DLGAP1: variants seen among roughly 807,000 people sequenced by gnomAD.
DLGAP1 encodes DLG associated protein 1.
Under a neutral mutation model 90.8 loss-of-function variants are expected in DLGAP1, and 11 were observed. The observed-to-expected ratio is 0.12, with a 90% CI of 0.08 to 0.20. DLGAP1 has a LOEUF of 0.20. DLGAP1 is among the 10% of genes least tolerant of loss of function. DLGAP1 has a pLI of 1.00. For missense variants in DLGAP1, 1,050 were observed against 1,333.8 expected (o/e 0.79, Z 3.31); for synonymous variants, 558 against 540.7 (o/e 1.03, Z -0.44).
At chr18:4,129,089 T>C (rs2076274898) in intron 2 of DLGAP1, among the ~76,000 whole-genome samples, 1 of 152,102 alleles carries the variant, frequency 6.6e-6, no homozygotes, top group African/African-American at 2.4e-5. Context: ...CATCTATAAG[T>C]ACAATTGTAT....
At position 4,314,550 on chromosome 18, in the gene DLGAP1, T is replaced by C. The variant is rs191167471; in HGVS notation, c.-267+140456A>G. Among the ~76,000 whole-genome samples the C allele has an allele frequency of 2.8e-3, 431 of 152,356 alleles. 6 individuals carry two copies. In the Middle Eastern group the frequency reaches 0.031, roughly 11 times the overall value. On this transcript the variant is annotated intron_variant, in intron 1 of 12. Transcript: ENST00000315677. ...ATGACAATTATATAATGGAATATCA[T>C]ATAATTAATTCTATAAAGTGATTTA...
intron 3 of DLGAP1, among the ~76,000 whole-genome samples, chr18:3,963,891 GA>G (rs1048146364): frequency 6.6e-6 from 1 of 152,146 alleles, no homozygotes; most frequent in African/African-American, 2.4e-5. Flanking sequence ...AAGCCCTTAA[GA>G]ATAATGTAAA....
rs184253785 is a variant in DLGAP1, at chr18:4,359,341, G to A, written c.-267+95665C>T. On this transcript the variant is annotated intron_variant, in intron 1 of 12. Transcript: ENST00000315677. ...AGATCATAAGACCCTCATGTGAGAG[G>A]TGCCCTTCCTGGAGGAAAGGAACGT... Among the ~76,000 whole-genome samples the A allele has an allele frequency of 1.4e-4, 21 of 152,268 alleles. No homozygotes were observed. In the East Asian group the frequency reaches 3.5e-3, roughly 25 times the overall value.
chr18:3,777,461 C>T (rs574620080), intron 5 of DLGAP1, among the ~76,000 whole-genome samples: 6 of 152,162 alleles, frequency 3.9e-5, no homozygotes, highest in East Asian at 1.9e-4. Flanking sequence ...TGGAAGAATA[C>T]GCGGATGTGG....
chr18:3,951,133 C>T (rs2072977418), intron 3 of DLGAP1, among the ~76,000 whole-genome samples: 1 of 152,182 alleles, frequency 6.6e-6, no homozygotes, highest in Admixed American at 6.5e-5. Flanking sequence ...ATGTTTGCCC[C>T]ATGGTGTAAG....
At chr18:3,558,610 C>G (rs1035963235) in intron 9 of DLGAP1, among the ~76,000 whole-genome samples, 1 of 152,110 alleles carries the variant, frequency 6.6e-6, no homozygotes, top group African/African-American at 2.4e-5. Flanking sequence ...AGAATTGACC[C>G]CTTTATCATC....
chr18:3,842,266 T>A (rs888059765), intron 4 of DLGAP1, among the ~76,000 whole-genome samples: 2 of 151,008 alleles, frequency 1.3e-5, no homozygotes. Context: ...ACAGAGGGAG[T>A]GTTAGGAAAT....
At chr18:4,028,977 T>C (rs373511970) in intron 2 of DLGAP1, among the ~76,000 whole-genome samples, 3 of 152,300 alleles carry the variant, frequency 2.0e-5, no homozygotes, top group South Asian at 2.1e-4. Flanking sequence ...ATTCCTCCCA[T>C]TCAACAAAAA....
At chr18:3,927,632 T>C (rs2072421666) in intron 3 of DLGAP1, among the ~76,000 whole-genome samples, 1 of 152,198 alleles carries the variant, frequency 6.6e-6, no homozygotes, top group Non-Finnish European at 1.5e-5. Flanking sequence ...GTTTTGATGC[T>C]GAAAACAGAA....
chr18:4,364,262 G>C (rs1354956669), intron 1 of DLGAP1, among the ~76,000 whole-genome samples: 1 of 104,780 alleles, frequency 9.5e-6, no homozygotes, highest in Non-Finnish European at 1.9e-5. Context: ...GTTGTGGGGT[G>C]GGGGGAGGGG....
chr18:4,172,889 C>T (rs921960471), intron 1 of DLGAP1, among the ~76,000 whole-genome samples: 11 of 152,320 alleles, frequency 7.2e-5, no homozygotes, highest in African/African-American at 2.6e-4. Context: ...GGCTGAAAGC[C>T]ACTTTGATTA....
chr18:3,850,019 G>T (rs2069244623), intron 4 of DLGAP1, among the ~76,000 whole-genome samples: 2 of 152,080 alleles, frequency 1.3e-5, no homozygotes, highest in African/African-American at 4.8e-5. Flanking sequence ...TGCCATTAAG[G>T]CATGAAGATT....
intron 3 of DLGAP1, among the ~76,000 whole-genome samples, chr18:3,895,457 A>G (rs1250414336): frequency 6.6e-6 from 1 of 152,152 alleles, no homozygotes. Flanking sequence ...CCCTCACTTG[A>G]TATCATCCAT....
At chr18:3,601,055 T>G (rs2056989345) in intron 7 of DLGAP1, among the ~76,000 whole-genome samples, 1 of 140,806 alleles carries the variant, frequency 7.1e-6, no homozygotes, top group African/African-American at 2.8e-5. Context: ...TATAGATAGA[T>G]ATATAGATAT....
chr18:3,667,577 C>T (rs1250748582), intron 7 of DLGAP1, among the ~76,000 whole-genome samples: 4 of 152,116 alleles, frequency 2.6e-5, no homozygotes, highest in African/African-American at 9.7e-5. Flanking sequence ...GGACTTGGTT[C>T]CTGGCCAAGT....
intron 4 of DLGAP1, among the ~76,000 whole-genome samples, chr18:3,867,469 G>T (rs151319428): frequency 6.6e-6 from 1 of 152,256 alleles, no homozygotes; most frequent in East Asian, 1.9e-4. Flanking sequence ...GAGGGTTCAC[G>T]GGGTGGGGAA....
At chr18:3,769,207 T>G (rs1870192405) in intron 5 of DLGAP1, among the ~76,000 whole-genome samples, 1 of 152,138 alleles carries the variant, frequency 6.6e-6, no homozygotes, top group Non-Finnish European at 1.5e-5. Context: ...AGTACTCCAC[T>G]CCTATCATAA....
At chr18:4,366,938 T>G (rs2081784314) in intron 1 of DLGAP1, among the ~76,000 whole-genome samples, 1 of 148,662 alleles carries the variant, frequency 6.7e-6, no homozygotes, top group Non-Finnish European at 1.5e-5. Flanking sequence ...AAAATTGATC[T>G]TTTGATTTTT....
chr18:3,760,114 A>C (rs1165127773), intron 5 of DLGAP1, among the ~76,000 whole-genome samples: 1 of 152,202 alleles, frequency 6.6e-6, no homozygotes, highest in Non-Finnish European at 1.5e-5. Context: ...GTAATCCCCA[A>C]TGTCAGCACA....
Sources: gnomAD v4.1 joint callset for allele counts (sites outside exome capture counted in the v4.1 genomes callset) on GRCh38, gnomAD v4.1.1 for gene constraint, MANE v1.5 for transcripts, NCBI Gene and HGNC (gene_info 2026-07-23, HGNC 2026-07-21) for gene names.